The following RALYL variants were observed in gnomAD, a reference collection of about 807,000 sequenced individuals.
RALYL encodes the protein RNA-binding Raly-like protein.
RALYL carries 29 observed loss-of-function variants against 35.1 expected under a neutral mutation model. The observed-to-expected ratio is 0.83, with a 90% confidence interval of 0.61 to 1.13. The LOEUF is 1.13. RALYL is among the 50% of genes most tolerant of loss of function. The pLI is 0.00. For missense variants in RALYL, 359 were observed against 360.4 expected (o/e 1.00, Z 0.03); for synonymous variants, 120 against 127.6 (o/e 0.94, Z 0.40).
At chr8:84,285,573 G>A (rs375416302) in intron 1 of RALYL, among the ~76,000 whole-genome samples, 20 of 152,220 alleles carry the variant, frequency 1.3e-4, no homozygotes, top group Non-Finnish European at 1.9e-4. Flanking sequence ...GGGCATTATC[G>A]TTCTAAATAA....
intron 2 of RALYL, among the ~76,000 whole-genome samples, chr8:84,714,162 T>C (rs1401762473): frequency 6.6e-6 from 1 of 151,632 alleles, no homozygotes; most frequent in Non-Finnish European, 1.5e-5. Flanking sequence ...GAAAGATAAA[T>C]ACTGTGTCAT....
At chr8:84,497,720 C>A (rs1479697362) in intron 1 of RALYL, among the ~76,000 whole-genome samples, 2 of 147,612 alleles carry the variant, frequency 1.4e-5, no homozygotes, top group African/African-American at 5.0e-5. Context: ...CAGCTCACTG[C>A]AACCTCCACC....
chr8:84,810,172 G>C (rs917640887), intron 4 of RALYL, among the ~76,000 whole-genome samples: 2 of 152,064 alleles, frequency 1.3e-5, no homozygotes, highest in African/African-American at 2.4e-5. Flanking sequence ...CAGAGGTTTT[G>C]ATAGGTTGTG....
At chr8:84,470,178 T>A (rs1207098486) in intron 1 of RALYL, among the ~76,000 whole-genome samples, 2 of 152,114 alleles carry the variant, frequency 1.3e-5, no homozygotes, top group Non-Finnish European at 2.9e-5. Context: ...AAAACAAGCT[T>A]TTTTATAAGT....
chr8:84,289,479 G>A (rs1838334488), intron 1 of RALYL, among the ~76,000 whole-genome samples: 1 of 152,114 alleles, frequency 6.6e-6, no homozygotes, highest in African/African-American at 2.4e-5. Context: ...AAATGGCTAG[G>A]TGAGTGCAAG....
intron 2 of RALYL, among the ~76,000 whole-genome samples, chr8:84,626,993 AG>A (rs1417435492): frequency 6.6e-6 from 1 of 152,158 alleles, no homozygotes; most frequent in African/African-American, 2.4e-5. Flanking sequence ...TTCTAGACAA[AG>A]AAAAAATTAG....
intron 1 of RALYL, among the ~76,000 whole-genome samples, chr8:84,272,470 T>C (rs551166552): frequency 6.6e-6 from 1 of 152,208 alleles, no homozygotes; most frequent in African/African-American, 2.4e-5. Context: ...AGCAGGCTGC[T>C]GCTACCTGCA....
intron 4 of RALYL, among the ~76,000 whole-genome samples, chr8:84,834,802 A>G (rs1831619557): frequency 6.6e-6 from 1 of 152,210 alleles, no homozygotes; most frequent in Non-Finnish European, 1.5e-5. Flanking sequence ...AAAACACTTT[A>G]CTTTTCTACA....
rs1851105396 is a variant in RALYL, at chr8:84,352,546, T to G, written c.-24+168122T>G. Among the ~76,000 whole-genome samples the G allele has an allele frequency of 1.3e-5, 2 of 150,298 alleles. 1 individual carries two copies. Among genetic ancestry groups the G allele is most frequent in the Non-Finnish European group, 3.0e-5 (2 of 67,694 alleles). ...CTGAATGTCAGACAACTTAATAACTTTCCCAAAGCCACACAACTAACAGGA... is the reference window on the plus strand; with the variant it reads ...CTGAATGTCAGACAACTTAATAACTGTCCCAAAGCCACACAACTAACAGGA... On this transcript the variant is annotated intron_variant, in intron 1 of 8. Transcript: ENST00000521268.
intron 2 of RALYL, among the ~76,000 whole-genome samples, chr8:84,568,455 G>C (rs2061951113): frequency 6.7e-6 from 1 of 150,344 alleles, no homozygotes; most frequent in Non-Finnish European, 1.5e-5. Flanking sequence ...ATCATTGTTG[G>C]ACATTTGGGT....
At chr8:84,701,785 G>A (rs1840247332) in intron 2 of RALYL, among the ~76,000 whole-genome samples, 3 of 152,162 alleles carry the variant, frequency 2.0e-5, no homozygotes, top group Non-Finnish European at 4.4e-5. Flanking sequence ...AAGCCCTGCA[G>A]TCAACTGGAT....
At chr8:84,738,319 A>C (rs182626568) in intron 2 of RALYL, among the ~76,000 whole-genome samples, 7 of 152,136 alleles carry the variant, frequency 4.6e-5, no homozygotes, top group African/African-American at 1.7e-4. Context: ...CTCAAGAGAC[A>C]TAGTTAAGAC....
intron 2 of RALYL, among the ~76,000 whole-genome samples, chr8:84,736,290 A>G (rs1847297388): frequency 6.6e-6 from 1 of 152,080 alleles, no homozygotes; most frequent in Non-Finnish European, 1.5e-5. Context: ...ATTTGATACA[A>G]TAATCCAACA....
At position 84,217,250 on chromosome 8, in the gene RALYL, G is replaced by T. The variant is rs113739724; in HGVS notation, c.-24+32826G>T. ...CATTTTGCATTTTAATTTGCTGTGT[G>T]AGTTTAGTTTCTAGAAACTACTAAG... On this transcript the variant is annotated intron_variant, in intron 1 of 8. Transcript: ENST00000521268. Among the ~76,000 whole-genome samples the T allele has an allele frequency of 6.2e-3, 947 of 152,068 alleles. 14 individuals carry two copies. The highest frequency in any genetic ancestry group is 0.021 in the African/African-American group (863 of 41,512).
At chr8:84,237,364 G>A (rs1826819676) in intron 1 of RALYL, among the ~76,000 whole-genome samples, 1 of 152,156 alleles carries the variant, frequency 6.6e-6, no homozygotes, top group African/African-American at 2.4e-5. Context: ...GGTATGCAGA[G>A]CAGAAGTGAC....
At chr8:84,208,470 G>A (rs1274499203) in intron 1 of RALYL, among the ~76,000 whole-genome samples, 1 of 151,966 alleles carries the variant, frequency 6.6e-6, no homozygotes, top group Non-Finnish European at 1.5e-5. Flanking sequence ...TCAGTAAATA[G>A]CCCTACTGTT....
intron 1 of RALYL, among the ~76,000 whole-genome samples, chr8:84,241,253 G>T (rs1356324099): frequency 6.6e-6 from 1 of 152,142 alleles, no homozygotes; most frequent in African/African-American, 2.4e-5. Flanking sequence ...TTATTCCCAT[G>T]TGTCTTTTTT....
At chr8:84,720,033 C>T (rs905033395) in intron 2 of RALYL, among the ~76,000 whole-genome samples, 1 of 152,082 alleles carries the variant, frequency 6.6e-6, no homozygotes, top group African/African-American at 2.4e-5. Flanking sequence ...TCTGTCCTAG[C>T]TCACTTCACT....
chr8:84,722,355 G>C (rs1312684930), intron 2 of RALYL, among the ~76,000 whole-genome samples: 1 of 151,840 alleles, frequency 6.6e-6, no homozygotes, highest in African/African-American at 2.4e-5. Context: ...TTGTATGGTT[G>C]ATAAATTCAT....
Sources: allele counts gnomAD v4.1 joint callset (sites outside exome capture counted in the v4.1 genomes callset), GRCh38; gene constraint gnomAD v4.1.1; transcripts MANE v1.5; gene names NCBI Gene and HGNC (gene_info 2026-07-23, HGNC 2026-07-21).